Variants in HMCN2 observed in about 807,000 individuals in gnomAD.
HMCN2 encodes the protein hemicentin 2, also known as hemicentin-2.
Under a neutral mutation model 377.5 loss-of-function variants are expected in HMCN2, and 325 were observed. That is an observed-to-expected ratio of 0.86 (90% confidence interval 0.79 to 0.94). HMCN2 has a LOEUF of 0.94. Ranked by LOEUF, HMCN2 falls within the 40% of genes least tolerant of loss-of-function variation. The pLI is 0.00. For missense variants in HMCN2, 4,543 were observed against 4,725.3 expected (o/e 0.96, Z 1.13); for synonymous variants, 2,007 against 2,046.8 (o/e 0.98, Z 0.53).
Position 130,320,350 on chromosome 9 carries a change from C to T in HMCN2, c.2552-6C>T, listed in dbSNP as rs1837778126. ...CAGTCACACCTGCCTCTCTCGTGCC[C>T]CTCAGGTGTGGCCCCAGAAGACCAG... On this transcript the variant is annotated splice_polypyrimidine_tract_variant and splice_region_variant and intron_variant, in intron 16 of 97. Coordinates refer to ENST00000683500, the MANE Select transcript of HMCN2 (RefSeq NM_001291815.2). 2 of 152,342 alleles carry T rather than the reference C, an allele frequency of 1.3e-5. No homozygotes were observed. Among genetic ancestry groups the T allele is most frequent in the Non-Finnish European group, 2.9e-5 (2 of 68,146 alleles). The allele number at this position is 152,342 out of a possible 1,614,324, so 9.4% of individuals were successfully genotyped here.
Position 130,347,189 on chromosome 9 carries a change from T to A in HMCN2, c.3853T>A (p.Trp1285Arg), listed in dbSNP as rs1264959865. ...ARGTPKPQVTWRKGPSSEPLH... is the reference protein window; with the variant it reads ...ARGTPKPQVTRRKGPSSEPLH... Reference sequence around the variant, plus strand: ...AGGAACGCCCAAGCCGCAGGTCACATGGAGGAAGGGCCCGTCCTCGGAGCC... The same window carrying A: ...AGGAACGCCCAAGCCGCAGGTCACAAGGAGGAAGGGCCCGTCCTCGGAGCC... Residue 1285 changes from tryptophan to arginine, a missense_variant, in exon 26 of 98, where the codon TGG becomes AGG. Around this residue, in one of 5 missense-constraint regions of HMCN2, gnomAD observed 547 missense variants for 189.9 expected, o/e 2.88. Coordinates refer to ENST00000683500, the MANE Select transcript of HMCN2 (RefSeq NM_001291815.2). The surrounding 1 kb of genome is among the most constrained non-coding windows in gnomAD (Gnocchi z 5.1). The A allele has an allele frequency of 2.6e-5, 4 of 152,242 alleles. No homozygotes were observed. Among genetic ancestry groups the A allele is most frequent in the Admixed American group, 2.6e-4 (4 of 15,280 alleles). 9.4% of individuals were successfully genotyped at this position (152,242 alleles called of 1,614,324 possible). A position where few individuals can be genotyped will look rare whatever the true frequency, so the allele number is the denominator to read the frequency against.
At chr9:130,286,431 C>T in intron 4 of HMCN2, 121 bp downstream of exon 4, 1 of 410,962 alleles carries the variant, frequency 2.4e-6, no homozygotes, top group African/African-American at 2.0e-5. Flanking sequence ...GCAGGGACAT[C>T]TATATAGCTG....
In HMCN2 at chr9:130,347,610, G is replaced by T. The variant is rs2131505628; in HGVS notation, c.4024+250G>T. On this transcript the variant is annotated intron_variant, in intron 26 of 97. Coordinates refer to ENST00000683500, the MANE Select transcript of HMCN2 (RefSeq NM_001291815.2). The surrounding 1 kb of genome is among the most constrained non-coding windows in gnomAD (Gnocchi z 5.1). Reference sequence around the variant, plus strand: ...CTTGAGGGGGCTGGGAGAGTGGCAGGTTGCACTGTACACCCCACTTCCCTA... The same window carrying T: ...CTTGAGGGGGCTGGGAGAGTGGCAGTTTGCACTGTACACCCCACTTCCCTA... Among the ~76,000 whole-genome samples the T allele has an allele frequency of 6.6e-6, 1 of 152,248 alleles. No individual in the cohort carries two copies. The highest frequency in any genetic ancestry group is 2.1e-4 in the South Asian group (1 of 4,818).
chr9:130,373,763 G>A (rs1841210280), intron 48 of HMCN2, among the ~76,000 whole-genome samples: 1 of 151,846 alleles, frequency 6.6e-6, no homozygotes, highest in East Asian at 1.9e-4. Context: ...ATAGGTAGGT[G>A]GATGGATAGA....
intron 61 of HMCN2, 93 bp downstream of exon 61, chr9:130,386,617 G>A: frequency 2.7e-6 from 2 of 753,342 alleles, no homozygotes; most frequent in Non-Finnish European, 1.9e-6. Context: ...CTGGGCAGAG[G>A]CAGTGCTGCC....
chr9:130,331,749 ATGTT>A (rs1838440482), intron 22 of HMCN2, among the ~76,000 whole-genome samples: 28 of 152,216 alleles, frequency 1.8e-4, no homozygotes. Flanking sequence ...CCAGGCAACA[ATGTT>A]TGTTTGGGAT....
intron 22 of HMCN2, among the ~76,000 whole-genome samples, chr9:130,331,008 A>AC (rs1838396739): frequency 6.5e-4 from 35 of 53,690 alleles, no homozygotes; most frequent in African/African-American, 1.9e-3. Flanking sequence ...CACACACACA[A>AC]ATAGCCGGAC....
intron 29 of HMCN2, among the ~76,000 whole-genome samples, chr9:130,350,055 C>T (rs1473177193): frequency 1.3e-5 from 2 of 151,296 alleles, no homozygotes; most frequent in Non-Finnish European, 2.9e-5. Flanking sequence ...CACAGGTGTG[C>T]GCTACCAACA....
At chr9:130,267,402 A>G (rs1588144444) in intron 1 of HMCN2, among the ~76,000 whole-genome samples, 1 of 136,028 alleles carries the variant, frequency 7.4e-6, no homozygotes, top group Non-Finnish European at 1.6e-5. Flanking sequence ...TTATAAAGCA[A>G]CAAACAAACA....
rs1344693595 is a variant in HMCN2, at chr9:130,433,621, C to G, written c.15168C>G (p.Thr5056=). The part of the protein sequence containing the change: ...ALTRAGLYRL[T]VRAAAPRHQS... ...CCCGCGCCGGCCTCTACCGGCTCAC[C>G]GTGCGTGCTGCGGCACCGCGCCACC... is the stretch of plus-strand genomic sequence containing the variant. The change falls in exon 98 of 98, where the codon ACC becomes ACG. Residue 5056 remains threonine, a synonymous_variant. Transcript: ENST00000683500. 1.3e-6 allele frequency: 2 copies of G among 1,521,092 alleles called. No individual in the cohort carries two copies. The highest frequency in any genetic ancestry group is 1.8e-6 in the Non-Finnish European group (2 of 1,135,142). The allele number at this position is 1,521,092 out of a possible 1,614,324, so 94.2% of individuals were successfully genotyped here.
chr9:130,313,120 G>A (rs1048428792), intron 15 of HMCN2, among the ~76,000 whole-genome samples: 2 of 146,024 alleles, frequency 1.4e-5, no homozygotes, highest in South Asian at 4.2e-4. Flanking sequence ...GATGGACAAT[G>A]GCCCAGCACC....
chr9:130,343,795 A>C (rs1225859472), intron 25 of HMCN2, among the ~76,000 whole-genome samples: 1 of 152,228 alleles, frequency 6.6e-6, no homozygotes, highest in African/African-American at 2.4e-5. Flanking sequence ...CTTCCTGGTC[A>C]GGAGGGCCTT....
chr9:130,286,459 A>G (rs888984325), intron 4 of HMCN2, 149 bp downstream of exon 4: 7 of 379,060 alleles, frequency 1.8e-5, no homozygotes, highest in African/African-American at 1.2e-4. Context: ...CTGGGTGCAC[A>G]CCTGTGGCAG....
chr9:130,403,089 C>T lies in HMCN2; in HGVS notation c.11879-105C>T. ...TGCTGTGGCCGATGTTTCTAGAACC[C>T]CCGTTCTCCTTAGAGGCCTCTCTCT... On this transcript the variant is annotated intron_variant, in intron 78 of 97. Transcript: ENST00000683500. 2.6e-6 allele frequency: 3 copies of T among 1,139,506 alleles called. No individual in the cohort carries two copies. The Admixed American group carries it at 9.3e-5, about 35-fold the overall frequency. 70.6% of individuals were successfully genotyped at this position (1,139,506 alleles called of 1,614,324 possible).
At position 130,403,201 on chromosome 9, in the gene HMCN2, G is replaced by A. The variant is rs544503243; in HGVS notation, c.11886G>A (p.Pro3962=). 3.2e-5 allele frequency: 41 copies of A among 1,289,222 alleles called. No homozygotes were observed. The highest frequency in any genetic ancestry group is 1.8e-4 in the African/African-American group (12 of 65,974). 79.9% of individuals were successfully genotyped at this position (1,289,222 alleles called of 1,614,324 possible). A position where few individuals can be genotyped will look rare whatever the true frequency, so the allele number is the denominator to read the frequency against. ...KHVFLTVQAS[P]VVKPLPSVVR... is the part of the protein sequence containing the mutation. The stretch of plus-strand genomic sequence containing the variant: ...CACCCCCGTCCTTTGTAGCCTCCCC[G>A]GTGGTGAAGCCGCTGCCCAGCGTGG... Residue 3962 remains proline (P), a synonymous_variant, in exon 79 of 98, where the codon CCG becomes CCA. Transcript: ENST00000683500.
At chr9:130,413,245 GT>G (rs1351177684) in intron 85 of HMCN2, among the ~76,000 whole-genome samples, 1 of 152,218 alleles carries the variant, frequency 6.6e-6, no homozygotes, top group African/African-American at 2.4e-5. Context: ...GTACCTTGAA[GT>G]TTTTTGCTTT....
chr9:130,397,145 C>T (rs1433403465), intron 73 of HMCN2, among the ~76,000 whole-genome samples: 1 of 152,232 alleles, frequency 6.6e-6, no homozygotes, highest in Non-Finnish European at 1.5e-5. Flanking sequence ...TGCAGTTCCA[C>T]ATGGCTGGGG....
chr9:130,312,620 GTCTC>G (rs1486029137), intron 15 of HMCN2, among the ~76,000 whole-genome samples: 4 of 57,964 alleles, frequency 6.9e-5, no homozygotes. Context: ...TTCTTTCTCT[GTCTC>G]TCTCTTTCTT....
intron 19 of HMCN2, among the ~76,000 whole-genome samples, chr9:130,322,980 G>A (rs1223408410): frequency 6.6e-6 from 1 of 152,204 alleles, no homozygotes; most frequent in Admixed American, 6.5e-5. Flanking sequence ...AAGTTCAGAA[G>A]GGCTGGGTTG....
Sources: allele counts gnomAD v4.1 joint callset (sites outside exome capture counted in the v4.1 genomes callset), GRCh38; gene constraint gnomAD v4.1.1; regional missense constraint gnomAD v4.1.1; non-coding constraint Gnocchi (gnomAD v3.1); transcripts MANE v1.5; gene names NCBI Gene and HGNC (gene_info 2026-07-23, HGNC 2026-07-21).